The following PCBP3 variants were observed in gnomAD, a reference collection of about 807,000 sequenced individuals.
PCBP3 encodes poly(rC)-binding protein 3.
In PCBP3, 25 loss-of-function variants were observed where a neutral mutation model predicts 52.7. The ratio of observed to expected loss-of-function variants is 0.47; its 90% CI spans 0.35 to 0.66. The LOEUF is 0.66. PCBP3 is among the 30% of genes least tolerant of loss of function. The pLI is 0.01. For missense variants in PCBP3, 391 were observed against 490.3 expected, an observed-to-expected ratio of 0.80 and a Z score of 1.91; for synonymous variants, 162 against 183.0, an observed-to-expected ratio of 0.89 and a Z score of 0.93.
chr21:45,806,419 C>G (rs935750750), intron 4 of PCBP3, among the ~76,000 whole-genome samples: 1 of 150,944 alleles, frequency 6.6e-6, no homozygotes, highest in Non-Finnish European at 1.5e-5. Flanking sequence ...GGCACATAAC[C>G]GCACCCTGGC....
At position 45,810,332 on chromosome 21, in the gene PCBP3, T is replaced by A. The variant is rs181427069; in HGVS notation, c.-125-39629T>A. The stretch of plus-strand genomic sequence containing the variant: ...TCAGCTCACGGCAGTCTCAGTCTCC[T>A]GTGCTCAAGCAGTCTTCACACCCCA... On this transcript the variant is annotated intron_variant, in intron 4 of 17. Coordinates refer to ENST00000681687, the MANE Select transcript of PCBP3 (RefSeq NM_001384156.1). 7.2e-5 allele frequency among the ~76,000 whole-genome samples: 11 copies of A among 151,790 alleles called. No individual in the cohort carries two copies. In the East Asian group the frequency reaches 2.1e-3, roughly 29 times the overall value.
At chr21:45,898,404 G>T (rs1028830530) in intron 6 of PCBP3, among the ~76,000 whole-genome samples, 1 of 90,802 alleles carries the variant, frequency 1.1e-5, no homozygotes, top group South Asian at 5.0e-4. Flanking sequence ...TCTGCACACC[G>T]TCCTCACAGC....
At chr21:45,818,539 A>C (rs1043649034) in intron 4 of PCBP3, among the ~76,000 whole-genome samples, 2 of 152,208 alleles carry the variant, frequency 1.3e-5, no homozygotes, top group African/African-American at 4.8e-5. Flanking sequence ...CCATTTGCAG[A>C]ATGTTTTGTA....
chr21:45,786,133 A>AAATAAAT (rs1569221280), intron 4 of PCBP3, among the ~76,000 whole-genome samples: 4 of 147,822 alleles, frequency 2.7e-5, no homozygotes, highest in Non-Finnish European at 4.4e-5. Flanking sequence ...GATCAATAAA[A>AAATAAAT]AAATAAATAA....
intron 5 of PCBP3, among the ~76,000 whole-genome samples, chr21:45,870,001 G>A (rs997563936): frequency 6.6e-6 from 1 of 152,052 alleles, no homozygotes; most frequent in East Asian, 1.9e-4. Context: ...AATTTTTTGT[G>A]TATGTTTCTT....
chr21:45,934,812 G>A (rs745604886), intron 15 of PCBP3, among the ~76,000 whole-genome samples: 7 of 152,204 alleles, frequency 4.6e-5, no homozygotes, highest in Non-Finnish European at 8.8e-5. Context: ...GGTGTCTCCT[G>A]AGAACTAAGG....
chr21:45,844,317 T>A (rs1025562048), intron 4 of PCBP3, among the ~76,000 whole-genome samples: 1 of 151,864 alleles, frequency 6.6e-6, no homozygotes, highest in African/African-American at 2.4e-5. Context: ...GGGTGGGAGG[T>A]GCCCCAGCAC....
chr21:45,811,044 C>A (rs2092673871), intron 4 of PCBP3, among the ~76,000 whole-genome samples: 2 of 152,074 alleles, frequency 1.3e-5, no homozygotes, highest in Admixed American at 1.3e-4. Context: ...TTTTCTTTTT[C>A]TCTTGGTCTA....
intron 2 of PCBP3, among the ~76,000 whole-genome samples, chr21:45,674,392 A>G (rs2081345446): frequency 6.6e-6 from 1 of 152,198 alleles, no homozygotes; most frequent in South Asian, 2.1e-4. Flanking sequence ...GGGTTTGTGC[A>G]GAGATCTACC....
chr21:45,918,082 C>G, intron 13 of PCBP3: 1 of 227,920 alleles, frequency 4.4e-6, no homozygotes, highest in Non-Finnish European at 8.8e-6. Context: ...TTTCAGAGTC[C>G]ACATGAAAAC....
At chr21:45,650,899 C>G (rs1380974383) in intron 1 of PCBP3, among the ~76,000 whole-genome samples, 1 of 152,132 alleles carries the variant, frequency 6.6e-6, no homozygotes, top group Non-Finnish European at 1.5e-5. Context: ...TCATTCTGGC[C>G]ATACCTAATT....
At chr21:45,868,384 G>T (rs2094841261) in intron 5 of PCBP3, among the ~76,000 whole-genome samples, 1 of 149,592 alleles carries the variant, frequency 6.7e-6, no homozygotes, top group Non-Finnish European at 1.5e-5. Flanking sequence ...GAACAGCTTC[G>T]CTGGTGTTTG....
intron 1 of PCBP3, among the ~76,000 whole-genome samples, chr21:45,655,086 A>G (rs1484275739): frequency 1.3e-5 from 2 of 152,122 alleles, no homozygotes; most frequent in Non-Finnish European, 2.9e-5. Context: ...TTGTATCGAT[A>G]TATGGCATTT....
intron 2 of PCBP3, among the ~76,000 whole-genome samples, chr21:45,693,261 C>T (rs1266897369): frequency 1.3e-5 from 2 of 152,180 alleles, no homozygotes; most frequent in African/African-American, 4.8e-5. Context: ...TTCTCTTCAA[C>T]ATTGTTCTGA....
At chr21:45,780,999 G>C (rs1050192197) in intron 4 of PCBP3, among the ~76,000 whole-genome samples, 1 of 152,154 alleles carries the variant, frequency 6.6e-6, no homozygotes, top group African/African-American at 2.4e-5. Context: ...GGGGAATCAA[G>C]TAGGTTGTGT....
rs551673437 is a variant in PCBP3, at chr21:45,914,368, G to T, written c.675+343G>T. On this transcript the variant is annotated intron_variant, in intron 12 of 17. Transcript: ENST00000681687. ...CTTTCTAGGTGATTTTACGTCTCAC[G>T]TTGGAAACAGCATGGTGAGAACCAG... 47 of 494,062 alleles carry T rather than the reference G, an allele frequency of 9.5e-5. No homozygotes were observed. The East Asian group carries it at 1.6e-3, about 17-fold the overall frequency. The allele number at this position is 494,062 out of a possible 1,614,324, so 30.6% of individuals were successfully genotyped here.
At chr21:45,654,792 G>T (rs1456511301) in intron 1 of PCBP3, among the ~76,000 whole-genome samples, 1 of 151,890 alleles carries the variant, frequency 6.6e-6, no homozygotes, top group Non-Finnish European at 1.5e-5. Flanking sequence ...TATTTTCAAG[G>T]TCATGCAACT....
intron 1 of PCBP3, among the ~76,000 whole-genome samples, chr21:45,659,069 A>T: frequency 7.2e-6 from 1 of 139,486 alleles, no homozygotes; most frequent in African/African-American, 2.7e-5. Context: ...AAAGTTTGTC[A>T]GTTTCATTGG....
At chr21:45,912,252 G>C (rs552242652) in intron 11 of PCBP3, among the ~76,000 whole-genome samples, 1 of 152,194 alleles carries the variant, frequency 6.6e-6, no homozygotes, top group East Asian at 1.9e-4. Flanking sequence ...CAGGGAGCTC[G>C]TAGCAGACAT....
Sources: allele counts gnomAD v4.1 joint callset (sites outside exome capture counted in the v4.1 genomes callset), GRCh38; gene constraint gnomAD v4.1.1; transcripts MANE v1.5; gene names NCBI Gene and HGNC (gene_info 2026-07-23, HGNC 2026-07-21).